Variants in ATP2C2 observed in about 807,000 individuals in gnomAD.
ATP2C2 encodes ATPase secretory pathway Ca2+ transporting 2, also known as calcium-transporting ATPase type 2C member 2.
ATP2C2 carries 171 observed loss-of-function variants against 110.8 expected under a neutral mutation model. The observed-to-expected ratio is 1.54, with a 90% CI of 1.36 to 1.75. ATP2C2 has a LOEUF of 1.75. Among genes scored for constraint, ATP2C2 ranks in the 40% most tolerant of loss-of-function variants. The pLI is 0.00. For synonymous variants in ATP2C2, 804 were observed against 508.4 expected, an observed-to-expected ratio of 1.58 and a Z score of -7.82; for missense variants, 1,963 against 1,235.0, an observed-to-expected ratio of 1.59 and a Z score of -8.84.
chr16:84,402,427 C>G (rs999641177), intron 2 of ATP2C2, among the ~76,000 whole-genome samples: 8 of 152,214 alleles, frequency 5.3e-5, no homozygotes, highest in African/African-American at 1.9e-4. Context: ...CAATATGACA[C>G]TAGCCCTGGG....
At chr16:84,406,296 C>A (rs1397786416) in intron 3 of ATP2C2, among the ~76,000 whole-genome samples, 1 of 152,244 alleles carries the variant, frequency 6.6e-6, no homozygotes, top group Non-Finnish European at 1.5e-5. Context: ...TCCCTGCCAC[C>A]TTTGCAGGAC....
At chr16:84,392,910 G>C (rs994427525) in intron 1 of ATP2C2, among the ~76,000 whole-genome samples, 1 of 152,208 alleles carries the variant, frequency 6.6e-6, no homozygotes, top group African/African-American at 2.4e-5. Context: ...GGTGGGCCTA[G>C]AATGGAGGCT....
chr16:84,382,078 T>A (rs1032462114), intron 1 of ATP2C2, among the ~76,000 whole-genome samples: 1 of 152,198 alleles, frequency 6.6e-6, no homozygotes, highest in Non-Finnish European at 1.5e-5. Context: ...GGTGGTTTGC[T>A]GCACCCATCA....
chr16:84,452,146 TG>T lies in ATP2C2; in HGVS notation c.1831+61del, dbSNP rs1007478969. On this transcript the variant is annotated intron_variant, in intron 18 of 26. Transcript: ENST00000262429. ...GAAAGGACCCATCCATCCTTTACGA[TG>T]GGGGGCTGCTACCAAAGGGAAGCCT... 3.9e-5 allele frequency: 62 copies of T among 1,596,638 alleles called. No individual in the cohort carries two copies. In the African/African-American group the frequency reaches 5.1e-4, roughly 13 times the overall value.
chr16:84,440,711 T>G, intron 13 of ATP2C2, 146 bp from the exon 14 acceptor site: 1 of 653,158 alleles, frequency 1.5e-6, no homozygotes, highest in Non-Finnish European at 2.7e-6. Flanking sequence ...ATCAATAATC[T>G]TTCAGAGAAC....
chr16:84,462,005 G>A lies in ATP2C2; in HGVS notation c.2598G>A (p.Glu866=), dbSNP rs561585105. Residue 866 remains glutamate (E), a synonymous_variant, in exon 26 of 27, where the codon GAG becomes GAA. Transcript: ENST00000262429. ...TCRSQTKLIF[E]IGFLRNHMFL... ...CCCTGCAGACCAAGCTGATATTTGA[G>A]ATCGGCTTTCTCAGGAACCACATGT... 2.5e-6 allele frequency: 4 copies of A among 1,613,750 alleles called. No individual in the cohort carries two copies. The highest frequency in any genetic ancestry group is 1.3e-5 in the African/African-American group (1 of 74,924).
Position 84,398,528 on chromosome 16 carries a change from C to T in ATP2C2, c.129C>T (p.Ile43=), listed in dbSNP as rs773113418. 27 of 1,612,740 alleles carry T rather than the reference C, an allele frequency of 1.7e-5. No individual in the cohort carries two copies. The highest frequency in any genetic ancestry group is 4.0e-5 in the African/African-American group (3 of 74,728). Residue 43 remains isoleucine, a synonymous_variant, in exon 2 of 27, where the codon ATC becomes ATT. Transcript: ENST00000262429. ...ATGAACAGAGTGAGCTGAAAGCCAT[C>T]GAGAAAGAGAAGAAGGTGACAGCCC... ...LIDEQSELKA[I]EKEKKVTALP... is the part of the protein sequence containing the mutation.
chr16:84,453,746 A>C (rs1910536081), intron 20 of ATP2C2, among the ~76,000 whole-genome samples: 1 of 152,190 alleles, frequency 6.6e-6, no homozygotes, highest in Admixed American at 6.5e-5. Context: ...AGAAGATGGG[A>C]GAACTGGGGG....
chr16:84,414,254 T>C (rs2150531642), intron 6 of ATP2C2, among the ~76,000 whole-genome samples: 1 of 152,218 alleles, frequency 6.6e-6, no homozygotes, highest in East Asian at 1.9e-4. Context: ...AAGAAAAGTA[T>C]ATTGTCTCAT....
chr16:84,452,159 C>T, intron 18 of ATP2C2, 68 bp downstream of exon 18: 1 of 1,584,468 alleles, frequency 6.3e-7, no homozygotes, highest in South Asian at 1.1e-5. Flanking sequence ...GGGGCTGCTA[C>T]CAAAGGGAAG....
rs1480729973 is a variant in ATP2C2, at chr16:84,408,387, C to T, written c.328-18C>T. 1 of 1,610,820 alleles carries T rather than the reference C, an allele frequency of 6.2e-7. No homozygotes were observed. The highest frequency in any genetic ancestry group is 2.2e-5 in the East Asian group (1 of 44,836). ...CTGAGACTAAAGAACGTGCCCCACC[C>T]TGTTATTTCCTCTTCAGTTTAAGAA... On this transcript the variant is annotated intron_variant, in intron 3 of 26. Transcript: ENST00000262429.
intron 1 of ATP2C2, among the ~76,000 whole-genome samples, chr16:84,372,425 C>A (rs1310098032): frequency 6.6e-6 from 1 of 152,174 alleles, no homozygotes. Context: ...AAGAAATGTA[C>A]TGCAACCCCA....
rs1909368398 is a variant in ATP2C2, at chr16:84,442,574, G to T, written c.1376G>T (p.Gly459Val). Reference protein sequence around the residue: ...KNAVMGQPTEGALMALAMKMD... With the variant: ...KNAVMGQPTEVALMALAMKMD... Reference sequence around the variant, plus strand: ...GCCGTGATGGGGCAGCCCACCGAGGGTGCATTGATGGCCCTGGCGATGAAG... The same window carrying T: ...GCCGTGATGGGGCAGCCCACCGAGGTTGCATTGATGGCCCTGGCGATGAAG... The change falls in exon 15 of 27, where the codon GGT becomes GTT. Residue 459 changes from glycine to valine, a missense_variant. Coordinates refer to ENST00000262429, the MANE Select transcript of ATP2C2 (RefSeq NM_014861.4). 7.4e-6 allele frequency: 12 copies of T among 1,614,012 alleles called. No homozygotes were observed. Among genetic ancestry groups the T allele is most frequent in the Admixed American group, 3.3e-5 (2 of 60,000 alleles).
intron 11 of ATP2C2, among the ~76,000 whole-genome samples, chr16:84,428,497 C>G (rs16973773): frequency 0.027 from 4,112 of 152,198 alleles, 193 homozygotes; most frequent in African/African-American, 0.094. Flanking sequence ...CTTTGTCACT[C>G]AGTGTATTTA....
intron 1 of ATP2C2, among the ~76,000 whole-genome samples, chr16:84,371,713 C>G (rs1425337378): frequency 1.3e-5 from 2 of 152,216 alleles, no homozygotes; most frequent in Non-Finnish European, 2.9e-5. Context: ...TAGCCCCAGC[C>G]CACTGCCTTC....
rs201137443 is a variant in ATP2C2, at chr16:84,441,542, T to G, written c.1311+584T>G. 1.6e-4 allele frequency among the ~76,000 whole-genome samples: 24 copies of G among 152,266 alleles called. No individual in the cohort carries two copies. The East Asian group carries it at 4.6e-3, about 29-fold the overall frequency. ...CAGGCACCCTTCTTCCTCTGTACAG[T>G]TCAGTGAGCGCCACTTGCAAAGGAC... On this transcript the variant is annotated intron_variant, in intron 14 of 26. Transcript: ENST00000262429.
intron 3 of ATP2C2, among the ~76,000 whole-genome samples, chr16:84,407,827 C>A (rs187239504): frequency 1.3e-5 from 2 of 152,238 alleles, no homozygotes; most frequent in East Asian, 3.9e-4. Context: ...CTTCTGAATC[C>A]GGTTTTATGT....
chr16:84,453,192 T>C lies in ATP2C2; in HGVS notation c.1886T>C (p.Val629Ala). 6.2e-7 allele frequency: 1 copy of C among 1,613,372 alleles called. No individual in the cohort carries two copies. Among genetic ancestry groups the C allele is most frequent in the South Asian group, 1.1e-5 (1 of 91,036 alleles). Residue 629 changes from valine (V) to alanine (A), a missense_variant, in exon 19 of 27, where the codon GTG becomes GCG. By Grantham distance (64) the Val-to-Ala change is moderately conservative (BLOSUM62 0). Coordinates refer to ENST00000262429, the MANE Select transcript of ATP2C2 (RefSeq NM_014861.4). ...GKLQAMSGEEVDSVEKGELAD... is the reference protein window; with the variant it reads ...GKLQAMSGEEADSVEKGELAD... Reference sequence around the variant, plus strand: ...CTGCAAGCCATGTCCGGGGAGGAGGTGGACAGCGTGGAGAAGGGCGAGCTG... The same window carrying C: ...CTGCAAGCCATGTCCGGGGAGGAGGCGGACAGCGTGGAGAAGGGCGAGCTG...
chr16:84,455,071 G>GGGGT (rs1555568546), intron 21 of ATP2C2, 87 bp downstream of exon 21: 1 of 1,376,194 alleles, frequency 7.3e-7, no homozygotes, highest in Non-Finnish European at 9.6e-7. Context: ...TGGAGATAGA[G>GGGGT]GGGGGGGTCT....
Sources: allele counts gnomAD v4.1 joint callset (sites outside exome capture counted in the v4.1 genomes callset), GRCh38; gene constraint gnomAD v4.1.1; transcripts MANE v1.5; gene names NCBI Gene and HGNC (gene_info 2026-07-23, HGNC 2026-07-21).